Variants in STAG2 observed in about 807,000 individuals in gnomAD.
The protein encoded by STAG2 is STAG2 cohesin complex component.
A neutral mutation model predicts 108.1 loss-of-function variants in STAG2; 14 were observed. The observed-to-expected ratio is 0.13, with a 90% confidence interval of 0.09 to 0.20. The LOEUF is 0.20. Among genes scored for constraint, STAG2 ranks in the 10% least tolerant of loss-of-function variants. The probability of loss-of-function intolerance (pLI) is 1.00; values close to 1 mark genes in which losing one functional copy is unlikely to be tolerated. For synonymous variants in STAG2, 307 were observed against 302.7 expected, an observed-to-expected ratio of 1.01 and a Z score of -0.15; for missense variants, 440 against 940.9, an observed-to-expected ratio of 0.47 and a Z score of 6.96.
intron 4 of STAG2, among the ~76,000 whole-genome samples, chrX:124,028,821 TA>T (rs1440030073): frequency 2.9e-4 from 16 of 55,684 alleles, no homozygotes; most frequent in African/African-American, 1.3e-3. Context: ...TATATATATA[TA>T]TTTTTTTTTT....
At position 124,068,670 on chromosome X, in the gene STAG2, A is replaced by G. The variant is rs762241929; in HGVS notation, c.2358+14A>G. ...GTTAAGGAACAGGTTAGTAATTACT[A>G]TAGATGGTAATCTTTTTGTAAGCAA... is the stretch of plus-strand genomic sequence containing the variant. On this transcript the variant is annotated intron_variant, in intron 24 of 34. Coordinates refer to ENST00000371145, the MANE Select transcript of STAG2 (RefSeq NM_001042750.2). 1.4e-5 allele frequency: 15 copies of G among 1,071,979 alleles called. No homozygotes were observed. Among genetic ancestry groups the G allele is most frequent in the African/African-American group, 9.4e-5 (5 of 53,093 alleles). The allele number at this position is 1,071,979 out of a possible 1,213,427, so 88.3% of individuals were successfully genotyped here. A position where few individuals can be genotyped will look rare whatever the true frequency, so the allele number is the denominator to read the frequency against.
chrX:124,086,899 A>G, intron 30 of STAG2, 129 bp downstream of exon 30: 1 of 575,874 alleles, frequency 1.7e-6, no homozygotes, highest in Non-Finnish European at 2.6e-6. Flanking sequence ...CATTATGTGT[A>G]AACATGCTGT....
intron 1 of STAG2, among the ~76,000 whole-genome samples, chrX:124,001,365 C>T (rs1464198008): frequency 8.9e-6 from 1 of 111,851 alleles, no homozygotes; most frequent in East Asian, 2.8e-4. Flanking sequence ...GCTGAGATTA[C>T]AGGCGTGAGC....
chrX:123,982,437 C>G (rs2054919409), intron 1 of STAG2, among the ~76,000 whole-genome samples: 1 of 111,857 alleles, frequency 8.9e-6, no homozygotes, highest in African/African-American at 3.2e-5. Flanking sequence ...GATCGTGGCA[C>G]GATCTTGGCT....
At chrX:123,994,857 C>G (rs1429094235) in intron 1 of STAG2, among the ~76,000 whole-genome samples, 1 of 112,115 alleles carries the variant, frequency 8.9e-6, no homozygotes, top group Non-Finnish European at 1.9e-5. Context: ...AAAACAAATT[C>G]AGCGTTGATT....
intron 7 of STAG2, among the ~76,000 whole-genome samples, chrX:124,044,568 T>G (rs966436500): frequency 3.6e-5 from 4 of 111,618 alleles, no homozygotes; most frequent in Admixed American, 9.6e-5. Context: ...TAATGATTTG[T>G]GGAGAATCTC....
At chrX:123,997,787 C>T (rs2055816056) in intron 1 of STAG2, among the ~76,000 whole-genome samples, 1 of 111,425 alleles carries the variant, frequency 9.0e-6, no homozygotes, top group Non-Finnish European at 1.9e-5. Flanking sequence ...ATTATAGGCA[C>T]CCGTCACCCT....
chrX:124,049,101 A>G (rs1026907244), intron 10 of STAG2, 23 bp downstream of exon 10: 1 of 1,096,754 alleles, frequency 9.1e-7, no homozygotes, highest in East Asian at 3.0e-5. Flanking sequence ...AGTTTTTTTC[A>G]TAAATAGCAT....
At chrX:123,962,690 G>A (rs896451777) in intron 1 of STAG2, among the ~76,000 whole-genome samples, 4 of 111,405 alleles carry the variant, frequency 3.6e-5, no homozygotes, top group African/African-American at 1.3e-4. Context: ...CAGTTTACAT[G>A]ATATATCTAT....
intron 1 of STAG2, among the ~76,000 whole-genome samples, chrX:124,001,798 C>T (rs894733789): frequency 1.8e-5 from 2 of 111,737 alleles, no homozygotes; most frequent in Non-Finnish European, 3.8e-5. Context: ...ATTTGCACAA[C>T]GACGAATTGC....
At position 124,083,565 on chromosome X, in the gene STAG2, A is replaced by C. The variant is rs756773201; in HGVS notation, c.3053+16A>C. 8.8e-7 allele frequency: 1 copy of C among 1,138,275 alleles called. No individual in the cohort carries two copies. The highest frequency in any genetic ancestry group is 3.2e-5 in the East Asian group (1 of 31,250). 93.8% of individuals were successfully genotyped at this position (1,138,275 alleles called of 1,213,427 possible). A position where few individuals can be genotyped will look rare whatever the true frequency, so the allele number is the denominator to read the frequency against. ...AAAGAACAGTGTATGTATTTGCTGG[A>C]AATGTCCTATTTAATTTCATTTTGG... On this transcript the variant is annotated intron_variant, in intron 29 of 34. Coordinates refer to ENST00000371145, the MANE Select transcript of STAG2 (RefSeq NM_001042750.2).
intron 16 of STAG2, 29 bp from the exon 17 acceptor site, chrX:124,061,742 A>AATT: frequency 2.9e-6 from 2 of 693,952 alleles, no homozygotes; most frequent in East Asian, 4.7e-5. Flanking sequence ...ACTCTTTCTG[A>AATT]CTTTTTTTTT....
intron 28 of STAG2, among the ~76,000 whole-genome samples, chrX:124,083,037 C>T (rs1166342867): frequency 2.1e-4 from 23 of 111,021 alleles, no homozygotes; most frequent in African/African-American, 7.5e-4. Flanking sequence ...TATTTTTTAA[C>T]GTTCTATATG....
chrX:124,080,987 A>G (rs1325866466), intron 27 of STAG2, among the ~76,000 whole-genome samples: 1 of 112,302 alleles, frequency 8.9e-6, no homozygotes, highest in African/African-American at 3.2e-5. Context: ...AAAGAAGATT[A>G]AAATTCTTAA....
rs1171753747 is a variant in STAG2, at chrX:124,031,113, G to A, written c.276G>A (p.Lys92=). The A allele has an allele frequency of 8.3e-7, 1 of 1,207,478 alleles. No homozygotes were observed. The highest frequency in any genetic ancestry group is 1.1e-6 in the Non-Finnish European group (1 of 893,743). The change falls in exon 5 of 35, where the codon AAG becomes AAA. Residue 92 remains lysine, a synonymous_variant. Transcript: ENST00000371145. The part of the protein sequence containing the change: ...MMLFEVVKMG[K]SAMQSVVDDW... ...TGTTTGAAGTTGTTAAAATGGGCAA[G>A]AGTGCTATGCAGGTAAGATTTATGT...
intron 3 of STAG2, 53 bp downstream of exon 3, chrX:124,022,724 G>A (rs2056971902): frequency 4.7e-6 from 4 of 855,360 alleles, no homozygotes; most frequent in African/African-American, 4.1e-5. Context: ...TCCACAAAAT[G>A]GGGAATGCAT....
intron 32 of STAG2, among the ~76,000 whole-genome samples, chrX:124,091,803 T>A (rs977479953): frequency 8.9e-6 from 1 of 112,800 alleles, no homozygotes; most frequent in South Asian, 3.6e-4. Flanking sequence ...GCTAAGTAAA[T>A]GTTCATTGAA....
At position 123,973,531 on chromosome X, in the gene STAG2, ACT is replaced by A. The variant is rs774667048; in HGVS notation, c.-163+11678_-163+11679del. Among the ~76,000 whole-genome samples, 15 of 73,207 alleles carry A rather than the reference ACT, an allele frequency of 2.0e-4. No individual in the cohort carries two copies. In the East Asian group the frequency reaches 6.1e-3, roughly 30 times the overall value. The allele number at this position is 73,207 out of a possible 115,157, so 63.6% of individuals were successfully genotyped here. A position where few individuals can be genotyped will look rare whatever the true frequency, so the allele number is the denominator to read the frequency against. ...CACTCCAGCCTGGCAACAGAGTGAG[ACT>A]CTGTCTCAAAAAAAAAAAAAAAAAA... On this transcript the variant is annotated intron_variant, in intron 1 of 34. Coordinates refer to ENST00000371145, the MANE Select transcript of STAG2 (RefSeq NM_001042750.2).
Position 123,999,931 on chromosome X carries a change from T to A in STAG2, c.-162-21436T>A, listed in dbSNP as rs79536744. On this transcript the variant is annotated intron_variant, in intron 1 of 34. Coordinates refer to ENST00000371145, the MANE Select transcript of STAG2 (RefSeq NM_001042750.2). ...GCCCGGCCATAGTTTTTTTTTTTTT[T>A]TATTTTTTGTAGCGACAGGGTCTTG... 4.2e-3 allele frequency among the ~76,000 whole-genome samples: 459 copies of A among 108,629 alleles called. 1 individual carries two copies. Among genetic ancestry groups the A allele is most frequent in the Non-Finnish European group, 7.2e-3 (376 of 52,222 alleles). 94.3% of individuals were successfully genotyped at this position (108,629 alleles called of 115,157 possible). A position where few individuals can be genotyped will look rare whatever the true frequency, so the allele number is the denominator to read the frequency against.
Sources: allele counts gnomAD v4.1 joint callset (sites outside exome capture counted in the v4.1 genomes callset), GRCh38; gene constraint gnomAD v4.1.1; transcripts MANE v1.5; gene names NCBI Gene and HGNC (gene_info 2026-07-23, HGNC 2026-07-21).